The following EYS variants were observed in gnomAD, a reference collection of about 807,000 sequenced individuals.
EYS encodes the protein EGF-like photoreceptor maintenance factor.
In EYS, 250 loss-of-function variants were observed where a neutral mutation model predicts 282.1. The ratio of observed to expected loss-of-function variants is 0.89; its 90% CI spans 0.80 to 0.98. The LOEUF (loss-of-function observed/expected upper bound fraction) is 0.98. Among genes scored for constraint, EYS ranks in the 50% least tolerant of loss-of-function variants. The pLI is 0.00. For missense variants in EYS, 4,016 were observed against 3,709.0 expected, an observed-to-expected ratio of 1.08 and a Z score of -2.15; for synonymous variants, 1,355 against 1,282.9, an observed-to-expected ratio of 1.06 and a Z score of -1.20.
chr6:65,375,428 G>C (rs746681595), intron 8 of EYS, among the ~76,000 whole-genome samples: 14 of 152,084 alleles, frequency 9.2e-5, no homozygotes, highest in Non-Finnish European at 1.6e-4. Context: ...ATGGAGATGA[G>C]GAAAAACCAG....
intron 13 of EYS, among the ~76,000 whole-genome samples, chr6:65,050,854 C>A (rs543959636): frequency 1.3e-5 from 2 of 151,760 alleles, no homozygotes; most frequent in East Asian, 3.9e-4. Flanking sequence ...CAGAGTGTCC[C>A]TATCCAGAAA....
At chr6:64,578,621 G>GTGTGGTGT (rs1554182459) in intron 26 of EYS, among the ~76,000 whole-genome samples, 2 of 145,422 alleles carry the variant, frequency 1.4e-5, no homozygotes, top group Non-Finnish European at 3.0e-5. Flanking sequence ...GTGTGTGTGT[G>GTGTGGTGT]GTGTGTGTGT....
intron 35 of EYS, among the ~76,000 whole-genome samples, chr6:63,891,041 G>A (rs539916521): frequency 3.0e-4 from 45 of 152,272 alleles, no homozygotes; most frequent in African/African-American, 1.1e-3. Context: ...AAACCAGGAA[G>A]AAGTCAAATC....
In EYS at chr6:64,822,753, T is replaced by A. The variant is rs1410495725; in HGVS notation, c.3062A>T (p.Asp1021Val). ...EPCLHDGVCI[D>V]GINHYTCDCK... ...GTCACAGGTATAATGATTGATGCCATCGATACAAACTCCATCATGGAGACA... is the reference window on the plus strand; with the variant it reads ...GTCACAGGTATAATGATTGATGCCAACGATACAAACTCCATCATGGAGACA... The change falls in exon 20 of 43, where the codon GAT (aspartate) becomes GTT (valine). Residue 1021 changes from aspartate (D) to valine (V), a missense_variant. Asp to Val is a radical substitution (Grantham distance 152). Transcript: ENST00000503581. 1.3e-6 allele frequency: 2 copies of A among 1,550,076 alleles called. No homozygotes were observed. The highest frequency in any genetic ancestry group is 1.7e-6 in the Non-Finnish European group (2 of 1,146,062).
At chr6:64,400,936 T>G (rs1773521600) in intron 28 of EYS, among the ~76,000 whole-genome samples, 1 of 151,972 alleles carries the variant, frequency 6.6e-6, no homozygotes, top group Non-Finnish European at 1.5e-5. Flanking sequence ...AAATAGAGTA[T>G]GGAAGAAAAA....
intron 36 of EYS, among the ~76,000 whole-genome samples, chr6:63,852,948 A>C (rs1022893626): frequency 2.0e-5 from 3 of 152,220 alleles, no homozygotes; most frequent in African/African-American, 7.2e-5. Flanking sequence ...TCATGCTAAA[A>C]ACACTCAATA....
rs573079577 is a variant in EYS at position 64,595,965 on chromosome 6, G to T, written c.3685-2656C>A. On this transcript the variant is annotated intron_variant, in intron 24 of 42. Transcript: ENST00000503581. ...AGGCTTTAGAGGAAGCATGGTGCTGGCATCTGCTTGGCTTCTAAGAATGCC... is the reference window on the plus strand; with the variant it reads ...AGGCTTTAGAGGAAGCATGGTGCTGTCATCTGCTTGGCTTCTAAGAATGCC... Among the ~76,000 whole-genome samples the T allele has an allele frequency of 3.3e-4, 51 of 152,272 alleles. No homozygotes were observed. The Middle Eastern group carries it at 0.014, about 41-fold the overall frequency.
At chr6:65,284,534 C>A (rs935482241) in intron 12 of EYS, among the ~76,000 whole-genome samples, 1 of 151,846 alleles carries the variant, frequency 6.6e-6, no homozygotes, top group African/African-American at 2.4e-5. Flanking sequence ...TAATGAGAAC[C>A]CACCTATGCT....
intron 26 of EYS, among the ~76,000 whole-genome samples, chr6:64,441,920 A>T (rs572261724): frequency 1.3e-5 from 2 of 152,302 alleles, no homozygotes; most frequent in African/African-American, 4.8e-5. Flanking sequence ...ATGAAAACAG[A>T]TTAATGCAGT....
chr6:63,984,819 A>G (rs1767280659), intron 34 of EYS, among the ~76,000 whole-genome samples: 1 of 151,796 alleles, frequency 6.6e-6, no homozygotes, highest in Non-Finnish European at 1.5e-5. Flanking sequence ...AGCTCTAACA[A>G]TATCTAATAA....
At chr6:65,330,855 G>A (rs1035550895) in intron 11 of EYS, 30 of 938,078 alleles carry the variant, frequency 3.2e-5, no homozygotes, top group Non-Finnish European at 3.7e-5. Context: ...TCTATATAAG[G>A]TATAAGGTTG....
intron 12 of EYS, among the ~76,000 whole-genome samples, chr6:65,140,393 C>A (rs1043665924): frequency 1.3e-5 from 2 of 151,424 alleles, no homozygotes; most frequent in Non-Finnish European, 2.9e-5. Context: ...GGGACTATAA[C>A]AACAGTTTAT....
chr6:64,294,097 G>GGTGAAAGTTA (rs3072590), intron 30 of EYS, among the ~76,000 whole-genome samples: 2 of 152,134 alleles, frequency 1.3e-5, no homozygotes, highest in Non-Finnish European at 2.9e-5. Context: ...TTAATCCAAA[G>GGTGAAAGTTA]TTTGTCATAT....
intron 35 of EYS, among the ~76,000 whole-genome samples, chr6:63,921,108 G>A (rs1022783172): frequency 2.6e-5 from 4 of 152,174 alleles, no homozygotes; most frequent in Non-Finnish European, 5.9e-5. Context: ...GTGTTAACCA[G>A]GATGGTCTCA....
At chr6:65,338,514 T>C (rs76832677) in intron 10 of EYS, among the ~76,000 whole-genome samples, 1 of 151,064 alleles carries the variant, frequency 6.6e-6, no homozygotes, top group Admixed American at 6.6e-5. Context: ...TTGGACTGAA[T>C]AGGGGTCGGC....
At chr6:65,617,858 C>T (rs1761056050) in intron 2 of EYS, among the ~76,000 whole-genome samples, 1 of 151,948 alleles carries the variant, frequency 6.6e-6, no homozygotes, top group African/African-American at 2.4e-5. Flanking sequence ...CAGCTTCATC[C>T]ATGTCCCTAC....
At chr6:64,523,340 T>C (rs1777817316) in intron 26 of EYS, among the ~76,000 whole-genome samples, 1 of 151,826 alleles carries the variant, frequency 6.6e-6, no homozygotes, top group African/African-American at 2.4e-5. Context: ...TTTCACTTTG[T>C]GTTTATTTGT....
At chr6:63,891,813 A>G (rs1773415969) in intron 35 of EYS, among the ~76,000 whole-genome samples, 1 of 152,234 alleles carries the variant, frequency 6.6e-6, no homozygotes, top group African/African-American at 2.4e-5. Flanking sequence ...AGATGACATG[A>G]TTGTATATTT....
At chr6:64,067,314 G>A (rs927553064) in intron 32 of EYS, among the ~76,000 whole-genome samples, 8 of 152,022 alleles carry the variant, frequency 5.3e-5, no homozygotes, top group Non-Finnish European at 1.2e-4. Flanking sequence ...AAGTGAACCC[G>A]CTCACCTAAA....
Sources: gnomAD v4.1 joint callset for allele counts (sites outside exome capture counted in the v4.1 genomes callset) on GRCh38, gnomAD v4.1.1 for gene constraint, MANE v1.5 for transcripts, NCBI Gene and HGNC (gene_info 2026-07-23, HGNC 2026-07-21) for gene names.